Variants in HIVEP1 observed in about 807,000 individuals in gnomAD.
HIVEP1 encodes zinc finger protein 40.
HIVEP1 carries 36 observed loss-of-function variants against 180.0 expected under a neutral mutation model. That is an observed-to-expected ratio of 0.20 (90% CI 0.15 to 0.26). The LOEUF is 0.26. HIVEP1 is among the 10% of genes least tolerant of loss of function. HIVEP1 has a pLI of 1.00. For missense variants in HIVEP1, 3,143 were observed against 3,268.7 expected (o/e 0.96, Z 0.94); for synonymous variants, 1,239 against 1,239.0 (o/e 1.00, Z 0.00).
chr6:12,206,095 C>T, the HIVEP1 span, among the ~76,000 whole-genome samples: 1 of 152,092 alleles, frequency 6.6e-6, no homozygotes, highest in Non-Finnish European at 1.5e-5. Context: ...TCCAATATGA[C>T]TGGTGTCCTT....
chr6:12,059,865 G>A (rs1421194280), intron 2 of HIVEP1, among the ~76,000 whole-genome samples: 2 of 152,108 alleles, frequency 1.3e-5, no homozygotes, highest in Non-Finnish European at 1.5e-5. Flanking sequence ...TAGATACTTA[G>A]TAAATGTTTT....
At chr6:12,162,624 C>T (rs918345765) in intron 8 of HIVEP1, among the ~76,000 whole-genome samples, 4 of 152,214 alleles carry the variant, frequency 2.6e-5, no homozygotes, top group African/African-American at 9.6e-5. Context: ...TGACAGTTCT[C>T]TTACCTCTAG....
At chr6:12,089,062 T>C in intron 2 of HIVEP1, 122 bp from the exon 3 acceptor site, 2 of 572,690 alleles carry the variant, frequency 3.5e-6, no homozygotes, top group South Asian at 2.4e-5. Context: ...ATCTGTATCA[T>C]AATTTATTCA....
intron 2 of HIVEP1, among the ~76,000 whole-genome samples, chr6:12,051,436 A>G (rs1171452871): frequency 6.6e-6 from 1 of 152,204 alleles, no homozygotes; most frequent in East Asian, 1.9e-4. Context: ...CTGTCAAAAA[A>G]GTCCATCTTC....
chr6:12,185,580 C>T, the HIVEP1 span, among the ~76,000 whole-genome samples: 14 of 152,134 alleles, frequency 9.2e-5, no homozygotes, highest in East Asian at 7.7e-4. Flanking sequence ...AAAAGCCACA[C>T]CTTAAAAGTA....
chr6:12,030,620 C>T (rs1554132582), intron 2 of HIVEP1, among the ~76,000 whole-genome samples: 1 of 152,118 alleles, frequency 6.6e-6, no homozygotes, highest in Non-Finnish European at 1.5e-5. Flanking sequence ...CTATTTGCTT[C>T]TCTGTCTCTT....
chr6:12,196,733 G>A, the HIVEP1 span, among the ~76,000 whole-genome samples: 3 of 152,058 alleles, frequency 2.0e-5, no homozygotes, highest in East Asian at 3.8e-4. Context: ...ACCTTCATCC[G>A]CCATCCCCAT....
chr6:12,086,966 A>G (rs1334160376), intron 2 of HIVEP1, among the ~76,000 whole-genome samples: 1 of 152,134 alleles, frequency 6.6e-6, no homozygotes, highest in African/African-American at 2.4e-5. Flanking sequence ...ATAAAAACAC[A>G]CTAAATATAA....
the HIVEP1 span, among the ~76,000 whole-genome samples, chr6:12,205,786 A>G: frequency 1.3e-5 from 2 of 152,230 alleles, no homozygotes; most frequent in Admixed American, 1.3e-4. Flanking sequence ...TGGACAATTA[A>G]TCAAGTGACT....
chr6:12,155,513 G>T (rs578223574), intron 7 of HIVEP1, among the ~76,000 whole-genome samples: 50 of 150,798 alleles, frequency 3.3e-4, no homozygotes, highest in Admixed American at 6.7e-4. Flanking sequence ...TGCGGTATTT[G>T]GTTTTCTCTT....
intron 2 of HIVEP1, among the ~76,000 whole-genome samples, chr6:12,066,578 C>A (rs968075504): frequency 5.3e-5 from 8 of 152,196 alleles, no homozygotes; most frequent in African/African-American, 1.9e-4. Flanking sequence ...TAGCCAAGTA[C>A]TTCCTTTGTG....
chr6:12,159,066 G>A (rs1251709107), intron 7 of HIVEP1, among the ~76,000 whole-genome samples: 1 of 152,182 alleles, frequency 6.6e-6, no homozygotes, highest in African/African-American at 2.4e-5. Flanking sequence ...CCTGACTGGG[G>A]TTCTGTTGTG....
chr6:12,112,394 TA>T (rs1211838428), intron 3 of HIVEP1, among the ~76,000 whole-genome samples: 1 of 152,186 alleles, frequency 6.6e-6, no homozygotes, highest in African/African-American at 2.4e-5. Context: ...TTTTTCTCAG[TA>T]TTTTTTTTAT....
chr6:12,028,785 T>C (rs958938211), intron 2 of HIVEP1, among the ~76,000 whole-genome samples: 1 of 152,234 alleles, frequency 6.6e-6, no homozygotes, highest in East Asian at 1.9e-4. Context: ...TTTATAGAGT[T>C]GGGAAACCTT....
At chr6:12,103,213 A>G (rs1407803557) in intron 3 of HIVEP1, among the ~76,000 whole-genome samples, 1 of 151,300 alleles carries the variant, frequency 6.6e-6, no homozygotes, top group Non-Finnish European at 1.5e-5. Context: ...TAATAATAAT[A>G]ATATCAACAG....
At chr6:12,079,979 T>TC (rs74285815) in intron 2 of HIVEP1, among the ~76,000 whole-genome samples, 1 of 151,718 alleles carries the variant, frequency 6.6e-6, no homozygotes, top group African/African-American at 2.4e-5. Flanking sequence ...TATCTATCTA[T>TC]ATCTGGTCTT....
At chr6:12,162,037 C>A in intron 8 of HIVEP1, 108 bp downstream of exon 8, 2 of 1,036,604 alleles carry the variant, frequency 1.9e-6, no homozygotes, top group Non-Finnish European at 2.8e-6. Context: ...TTTTTTAGGC[C>A]AAATCAGTTT....
intron 2 of HIVEP1, among the ~76,000 whole-genome samples, chr6:12,017,448 C>T (rs1404337002): frequency 3.9e-5 from 6 of 152,216 alleles, no homozygotes; most frequent in Admixed American, 1.3e-4. Context: ...AAAGGCAGTA[C>T]AGACTCAAAG....
At chr6:12,208,594 G>A in the HIVEP1 span, among the ~76,000 whole-genome samples, 3 of 152,270 alleles carry the variant, frequency 2.0e-5, no homozygotes, top group African/African-American at 4.8e-5. Flanking sequence ...GAGTATGATC[G>A]TATTTGGAGA....
Sources: allele counts gnomAD v4.1 joint callset (sites outside exome capture counted in the v4.1 genomes callset), GRCh38; gene constraint gnomAD v4.1.1; transcripts MANE v1.5; gene names NCBI Gene and HGNC (gene_info 2026-07-23, HGNC 2026-07-21).